The following FRMD4A variants were observed in gnomAD, a reference collection of about 807,000 sequenced individuals.
FRMD4A encodes FERM domain-containing protein 4A.
A neutral mutation model predicts 129.1 loss-of-function variants in FRMD4A; 29 were observed. That is an observed-to-expected ratio of 0.22 (90% CI 0.17 to 0.31). The LOEUF (loss-of-function observed/expected upper bound fraction) is 0.31. Ranked by LOEUF, FRMD4A falls within the 10% of genes least tolerant of loss-of-function variation. The probability of loss-of-function intolerance (pLI) is 1.00; values close to 1 mark genes in which losing one functional copy is unlikely to be tolerated. For synonymous variants in FRMD4A, 634 were observed against 571.6 expected (o/e 1.11, Z -1.56); for missense variants, 1,272 against 1,375.8 (o/e 0.92, Z 1.19).
chr10:13,855,819 C>T (rs2094204360), intron 3 of FRMD4A, among the ~76,000 whole-genome samples: 1 of 151,890 alleles, frequency 6.6e-6, no homozygotes, highest in South Asian at 2.1e-4. Flanking sequence ...GGATACTGCC[C>T]AACAGATAGA....
At position 13,656,928 on chromosome 10, in the gene FRMD4A, G is replaced by A. The variant is rs370765891; in HGVS notation, c.2661C>T (p.Gly887=). Residue 887 remains glycine (G), a synonymous_variant, in exon 22 of 25, where the codon GGC becomes GGT. Transcript: ENST00000357447. ...GGCGGCCCGTGTCGCCCTCGTCGCC[G>A]CCGCCGCCGCGCCAGCTCTCCTTGA... ...GLFKESWRGG[G]GDEGDTGRLT... The A allele has an allele frequency of 3.3e-4, 493 of 1,498,246 alleles. 3 individuals carry two copies. In the African/African-American group the frequency reaches 5.9e-3, roughly 18 times the overall value. The allele number at this position is 1,498,246 out of a possible 1,614,324, so 92.8% of individuals were successfully genotyped here. A position where few individuals can be genotyped will look rare whatever the true frequency, so the allele number is the denominator to read the frequency against.
At chr10:13,980,381 C>T (rs926395112) in intron 2 of FRMD4A, among the ~76,000 whole-genome samples, 1 of 152,182 alleles carries the variant, frequency 6.6e-6, no homozygotes, top group Non-Finnish European at 1.5e-5. Context: ...TAGTCCATCA[C>T]ATTTTCTATA....
In FRMD4A at chr10:13,821,603, T is replaced by G. The variant is rs1039863801; in HGVS notation, c.112-10695A>C. ...GCAGCTGCTACTTCACATGAATTCA[T>G]GCAGCCAGCCCTAGAAACCAGAAAC... On this transcript the variant is annotated intron_variant, in intron 3 of 24. Transcript: ENST00000357447. This position sits in a 1 kb window ranked among gnomAD's most constrained non-coding sequence, Gnocchi z 4.3. 5.9e-5 allele frequency among the ~76,000 whole-genome samples: 9 copies of G among 152,160 alleles called. No homozygotes were observed. Among genetic ancestry groups the G allele is most frequent in the African/African-American group, 2.2e-4 (9 of 41,430 alleles).
At position 13,783,021 on chromosome 10, in the gene FRMD4A, T is replaced by A; in HGVS notation, c.300-15A>T. 1 of 995,380 alleles carries A rather than the reference T, an allele frequency of 1.0e-6. No homozygotes were observed. The highest frequency in any genetic ancestry group is 1.6e-6 in the Non-Finnish European group (1 of 614,542). 61.7% of individuals were successfully genotyped at this position (995,380 alleles called of 1,614,324 possible). A position where few individuals can be genotyped will look rare whatever the true frequency, so the allele number is the denominator to read the frequency against. ...CTATATAGAACCTGAAAGAGAAAAA[T>A]GGTGCGTGAACCACAGAAACAGCAG... On this transcript the variant is annotated splice_polypyrimidine_tract_variant and intron_variant, in intron 5 of 24. Transcript: ENST00000357447.
chr10:14,099,864 T>C (rs948830095), intron 2 of FRMD4A, among the ~76,000 whole-genome samples: 23 of 152,208 alleles, frequency 1.5e-4, no homozygotes, highest in African/African-American at 5.1e-4. Flanking sequence ...TGGGCTCAAG[T>C]GATCTTCCAG....
chr10:13,984,612 A>G (rs942412255), intron 2 of FRMD4A, among the ~76,000 whole-genome samples: 3 of 152,176 alleles, frequency 2.0e-5, no homozygotes, highest in Non-Finnish European at 4.4e-5. Flanking sequence ...CGTAGCTCGT[A>G]TAAGAGGAAA....
intron 2 of FRMD4A, among the ~76,000 whole-genome samples, chr10:14,090,735 T>C (rs752139069): frequency 6.6e-6 from 1 of 152,252 alleles, no homozygotes; most frequent in African/African-American, 2.4e-5. Flanking sequence ...TTCAGTATTT[T>C]GCAACAAATC....
At chr10:13,973,601 C>T (rs755070140) in intron 2 of FRMD4A, among the ~76,000 whole-genome samples, 6 of 151,900 alleles carry the variant, frequency 3.9e-5, no homozygotes, top group Admixed American at 6.6e-5. Flanking sequence ...ATTTTTGCAC[C>T]CCAGTAATGA....
At chr10:13,925,566 C>CTTTTTTTTTTTTTTTTGTTTTTTTT in intron 2 of FRMD4A, among the ~76,000 whole-genome samples, 1 of 61,938 alleles carries the variant, frequency 1.6e-5, no homozygotes, top group Non-Finnish European at 2.7e-5. Flanking sequence ...TAGTGAAACG[C>CTTTTTTTTTTTTTTTTGTTTTTTTT]TTTTTTTTTT....
intron 5 of FRMD4A, among the ~76,000 whole-genome samples, chr10:13,788,561 T>A (rs2092921749): frequency 6.6e-6 from 1 of 152,174 alleles, no homozygotes; most frequent in Admixed American, 6.5e-5. Flanking sequence ...TAATCAGACC[T>A]ACATTTTAAA....
At chr10:13,881,029 G>A (rs1217700009) in intron 2 of FRMD4A, among the ~76,000 whole-genome samples, 1 of 152,018 alleles carries the variant, frequency 6.6e-6, no homozygotes, top group Non-Finnish European at 1.5e-5. Flanking sequence ...TGATTGAATG[G>A]GTGGGTGCAT....
chr10:13,963,390 C>T (rs955306732), intron 2 of FRMD4A, among the ~76,000 whole-genome samples: 5 of 151,056 alleles, frequency 3.3e-5, no homozygotes, highest in African/African-American at 1.2e-4. Context: ...ACATACATTG[C>T]CATAACGAAA....
intron 2 of FRMD4A, among the ~76,000 whole-genome samples, chr10:13,923,377 C>T (rs369221288): frequency 2.4e-4 from 36 of 152,278 alleles, no homozygotes; most frequent in East Asian, 1.3e-3. Flanking sequence ...TTCCTGAGTG[C>T]GACATTTTCT....
At chr10:13,750,149 A>AAAGAAAGAAAGAAAGG (rs1564739697) in intron 8 of FRMD4A, among the ~76,000 whole-genome samples, 3 of 148,856 alleles carry the variant, frequency 2.0e-5, no homozygotes, top group South Asian at 4.4e-4. Context: ...AGAAAGAAAG[A>AAAGAAAGAAAGAAAGG]AAAGAGAGAA....
intron 2 of FRMD4A, chr10:14,083,845 G>T (rs998775515): frequency 1.3e-5 from 2 of 152,208 alleles, no homozygotes; most frequent in Admixed American, 1.3e-4. Context: ...ATCAATAACG[G>T]GTAGACACCT....
At chr10:14,298,385 A>G (rs530831923) in intron 2 of FRMD4A, among the ~76,000 whole-genome samples, 17 of 152,290 alleles carry the variant, frequency 1.1e-4, no homozygotes, top group Admixed American at 1.1e-3. Flanking sequence ...CTCCACTGGA[A>G]GAAAAGCACA....
chr10:13,895,848 A>G (rs2094751803), intron 2 of FRMD4A, among the ~76,000 whole-genome samples: 1 of 152,250 alleles, frequency 6.6e-6, no homozygotes, highest in African/African-American at 2.4e-5. Context: ...CCCATCAGAA[A>G]GTGGGCAAAA....
intron 2 of FRMD4A, among the ~76,000 whole-genome samples, chr10:14,300,511 G>T (rs562168598): frequency 6.6e-6 from 1 of 152,218 alleles, no homozygotes; most frequent in South Asian, 2.1e-4. Context: ...TATCTCTCTG[G>T]GTTTTCTCAT....
chr10:13,890,747 CTTTGCGGGCATTGG>C, intron 2 of FRMD4A: 1 of 985,336 alleles, frequency 1.0e-6, no homozygotes, highest in African/African-American at 1.7e-5. Flanking sequence ...TCAGGGAGTC[CTTTGCGGGCATTGG>C]TTCTCGTTTC....
Sources: allele counts gnomAD v4.1 joint callset (sites outside exome capture counted in the v4.1 genomes callset), GRCh38; gene constraint gnomAD v4.1.1; non-coding constraint Gnocchi (gnomAD v3.1); transcripts MANE v1.5; gene names NCBI Gene and HGNC (gene_info 2026-07-23, HGNC 2026-07-21).